CSMD1: variants seen among roughly 807,000 people sequenced by gnomAD.
The protein encoded by CSMD1 is CUB and Sushi multiple domains 1.
Under a neutral mutation model 417.5 loss-of-function variants are expected in CSMD1, and 213 were observed. That is an observed-to-expected ratio of 0.51 (90% CI 0.46 to 0.57). CSMD1 has a LOEUF of 0.57. CSMD1 is among the 20% of genes least tolerant of loss of function. The pLI, the probability that CSMD1 is intolerant of heterozygous loss-of-function variation, is 0.00. For missense variants in CSMD1, 6,923 were observed against 4,529.7 expected (o/e 1.53, Z -15.17); for synonymous variants, 2,862 against 1,736.8 (o/e 1.65, Z -16.11).
chr8:3,173,815 T>C (rs1361403945), intron 37 of CSMD1, among the ~76,000 whole-genome samples: 1 of 152,212 alleles, frequency 6.6e-6, no homozygotes, highest in Non-Finnish European at 1.5e-5. Flanking sequence ...AATGTAATAT[T>C]AAAGTGCCAT....
At chr8:3,699,630 C>T (rs1181461685) in intron 7 of CSMD1, among the ~76,000 whole-genome samples, 1 of 151,838 alleles carries the variant, frequency 6.6e-6, no homozygotes, top group African/African-American at 2.4e-5. Flanking sequence ...GTAAATGTTA[C>T]TACCGTTATG....
intron 2 of CSMD1, among the ~76,000 whole-genome samples, chr8:4,522,850 G>A (rs1803544017): frequency 6.6e-6 from 1 of 152,114 alleles, no homozygotes; most frequent in South Asian, 2.1e-4. Context: ...CCTTTTCAGG[G>A]AACCATGCCC....
chr8:3,952,021 T>C (rs905083455), intron 5 of CSMD1, among the ~76,000 whole-genome samples: 3 of 152,184 alleles, frequency 2.0e-5, no homozygotes, highest in Non-Finnish European at 1.5e-5. Context: ...ATGTCCAAGA[T>C]GGATGAAAAG....
At chr8:3,941,880 G>T (rs1357999594) in intron 5 of CSMD1, among the ~76,000 whole-genome samples, 1 of 152,100 alleles carries the variant, frequency 6.6e-6, no homozygotes, top group Non-Finnish European at 1.5e-5. Flanking sequence ...GCCAGTGTCA[G>T]TCTGTGCCCT....
intron 1 of CSMD1, among the ~76,000 whole-genome samples, chr8:4,752,183 GA>G (rs896570184): frequency 2.6e-5 from 4 of 151,740 alleles, no homozygotes; most frequent in African/African-American, 7.3e-5. Context: ...CTAGGAAGTA[GA>G]AAAAAAATCA....
At chr8:4,829,168 G>A (rs559299388) in intron 1 of CSMD1, among the ~76,000 whole-genome samples, 1 of 152,152 alleles carries the variant, frequency 6.6e-6, no homozygotes, top group African/African-American at 2.4e-5. Context: ...CAATTCCACA[G>A]CCAATGTAAT....
At chr8:4,609,012 G>GAAAA (rs60439250) in intron 2 of CSMD1, among the ~76,000 whole-genome samples, 1 of 138,292 alleles carries the variant, frequency 7.2e-6, no homozygotes, top group African/African-American at 2.7e-5. Context: ...CTTGAATGTA[G>GAAAA]AAAAAAAAAA....
rs1235833952 is a variant in CSMD1, at chr8:2,951,204, C to T, written c.10111G>A (p.Ala3371Thr). ...TTGAACCAGTCAACAGTTAGAGTGG[C>T]GGGTTGTCTTTTCCCTAAATATTCA... ...YYEYLGKRQP[A>T]TLTVDWFNAT... Residue 3371 changes from alanine (A) to threonine (T), a missense_variant, in exon 66 of 70, where the codon GCC (alanine) becomes ACC (threonine). Coordinates refer to ENST00000635120, the MANE Select transcript of CSMD1 (RefSeq NM_033225.6). 1.9e-5 allele frequency: 30 copies of T among 1,612,452 alleles called. No individual in the cohort carries two copies. Among genetic ancestry groups the T allele is most frequent in the Non-Finnish European group, 2.3e-5 (27 of 1,179,228 alleles).
intron 2 of CSMD1, among the ~76,000 whole-genome samples, chr8:4,445,425 G>A (rs1465849173): frequency 1.3e-5 from 2 of 152,070 alleles, no homozygotes; most frequent in Non-Finnish European, 2.9e-5. Flanking sequence ...ATTTCTTACT[G>A]TACCAAATCG....
intron 1 of CSMD1, among the ~76,000 whole-genome samples, chr8:4,726,865 T>C (rs191365513): frequency 3.9e-5 from 6 of 152,298 alleles, no homozygotes; most frequent in South Asian, 2.1e-4. Flanking sequence ...TGAAATAGTA[T>C]TGAGTTTCAA....
intron 26 of CSMD1, among the ~76,000 whole-genome samples, chr8:3,251,673 A>G (rs370070706): frequency 2.0e-5 from 3 of 152,264 alleles, no homozygotes; most frequent in East Asian, 3.9e-4. Flanking sequence ...CATTTTCACA[A>G]TATTGATTCT....
At chr8:4,140,129 G>C (rs140422270) in intron 3 of CSMD1, among the ~76,000 whole-genome samples, 2 of 150,944 alleles carry the variant, frequency 1.3e-5, no homozygotes, top group East Asian at 1.9e-4. Flanking sequence ...AAGGCGGGAG[G>C]ATTCCTTGAG....
chr8:3,553,800 A>G (rs1231656798), intron 10 of CSMD1, among the ~76,000 whole-genome samples: 1 of 152,230 alleles, frequency 6.6e-6, no homozygotes, highest in Non-Finnish European at 1.5e-5. Context: ...ATAGGCAAAT[A>G]ATTTCACAGA....
At chr8:4,294,792 C>T (rs1235409175) in intron 3 of CSMD1, among the ~76,000 whole-genome samples, 1 of 151,642 alleles carries the variant, frequency 6.6e-6, no homozygotes. Context: ...AAAATAAAAA[C>T]CTGGAAAAAA....
At chr8:3,218,346 G>C (rs1201261499) in intron 29 of CSMD1, among the ~76,000 whole-genome samples, 2 of 151,998 alleles carry the variant, frequency 1.3e-5, no homozygotes, top group Admixed American at 1.3e-4. Flanking sequence ...AGGATCATGA[G>C]GTCAGGAGAT....
intron 11 of CSMD1, among the ~76,000 whole-genome samples, chr8:3,469,969 T>C (rs549760104): frequency 6.6e-6 from 1 of 152,344 alleles, no homozygotes; most frequent in East Asian, 1.9e-4. Context: ...ATTTTTTTCT[T>C]TCTTTCTTAT....
chr8:4,318,061 C>A (rs1364009394), intron 3 of CSMD1, among the ~76,000 whole-genome samples: 1 of 152,110 alleles, frequency 6.6e-6, no homozygotes, highest in African/African-American at 2.4e-5. Context: ...TTCGTTTTTT[C>A]TCACGTAAGT....
At chr8:4,230,864 C>T (rs1032132942) in intron 3 of CSMD1, among the ~76,000 whole-genome samples, 1 of 152,038 alleles carries the variant, frequency 6.6e-6, no homozygotes, top group Admixed American at 6.6e-5. Context: ...ATTATAGATT[C>T]TTTAACGGCA....
rs924321797 is a variant in CSMD1, at chr8:4,788,588, G to T, written c.86-151030C>A. 3.3e-6 allele frequency: 4 copies of T among 1,206,992 alleles called. No individual in the cohort carries two copies. The East Asian group carries it at 9.5e-5, about 29-fold the overall frequency. 74.8% of individuals were successfully genotyped at this position (1,206,992 alleles called of 1,614,324 possible). A position where few individuals can be genotyped will look rare whatever the true frequency, so the allele number is the denominator to read the frequency against. On this transcript the variant is annotated intron_variant, in intron 1 of 69. Coordinates refer to ENST00000635120, the MANE Select transcript of CSMD1 (RefSeq NM_033225.6). ...GAAAATCAGAGAATGTAATTTATAA[G>T]AAACAATGCCATTGAAATTTTTAGG...
Sources: allele counts gnomAD v4.1 joint callset (sites outside exome capture counted in the v4.1 genomes callset), GRCh38; gene constraint gnomAD v4.1.1; transcripts MANE v1.5; gene names NCBI Gene and HGNC (gene_info 2026-07-23, HGNC 2026-07-21).